Variants in MAST4 observed in about 807,000 individuals in gnomAD.
The protein encoded by MAST4 is microtubule associated serine/threonine kinase family member 4.
MAST4 carries 89 observed loss-of-function variants against 162.7 expected under a neutral mutation model. That is an observed-to-expected ratio of 0.55 (90% CI 0.46 to 0.65). The LOEUF (loss-of-function observed/expected upper bound fraction) is 0.65, where lower values mean the gene tolerates loss of function less well. Ranked by LOEUF, MAST4 falls within the 30% of genes least tolerant of loss-of-function variation. MAST4 has a pLI of 0.00. For synonymous variants in MAST4, 1,479 were observed against 1,361.1 expected (o/e 1.09, Z -1.91); for missense variants, 3,153 against 3,374.0 (o/e 0.93, Z 1.62).
intron 1 of MAST4, among the ~76,000 whole-genome samples, chr5:66,608,625 G>A (rs1743066005): frequency 6.6e-6 from 1 of 151,952 alleles, no homozygotes; most frequent in African/African-American, 2.4e-5. Flanking sequence ...CAGAGGACAT[G>A]GTCAGTTCTG....
intron 4 of MAST4, among the ~76,000 whole-genome samples, chr5:66,965,138 A>G (rs905877243): frequency 2.0e-5 from 3 of 150,426 alleles, no homozygotes; most frequent in African/African-American, 7.3e-5. Context: ...GACTTTCAAC[A>G]TGAGAGTTTT....
intron 4 of MAST4, among the ~76,000 whole-genome samples, chr5:66,947,699 T>C (rs1022814705): frequency 1.3e-5 from 2 of 152,188 alleles, no homozygotes; most frequent in Non-Finnish European, 2.9e-5. Context: ...GACAGATTTT[T>C]CCTAAAGCTT....
intron 4 of MAST4, chr5:66,917,325 T>C (rs78152019): frequency 0.029 from 9,061 of 316,946 alleles, 289 homozygotes; most frequent in African/African-American, 0.094. Context: ...CAAACTATTA[T>C]GTGAAAGTAT....
At chr5:67,091,809 C>A (rs535525043) in intron 6 of MAST4, among the ~76,000 whole-genome samples, 1 of 152,044 alleles carries the variant, frequency 6.6e-6, no homozygotes, top group Admixed American at 6.5e-5. Context: ...AATACATAAC[C>A]CCCCCAGGCA....
At chr5:66,829,474 A>G (rs1402363221) in intron 3 of MAST4, among the ~76,000 whole-genome samples, 2 of 152,164 alleles carry the variant, frequency 1.3e-5, no homozygotes, top group Non-Finnish European at 2.9e-5. Context: ...CTCTGACTTT[A>G]TTGTACAAAT....
chr5:66,644,117 GT>G (rs1745665854), intron 1 of MAST4, among the ~76,000 whole-genome samples: 2 of 151,146 alleles, frequency 1.3e-5, no homozygotes, highest in African/African-American at 4.9e-5. Context: ...TTGGAGAAAA[GT>G]CCAGTTTGAC....
intron 5 of MAST4, among the ~76,000 whole-genome samples, chr5:67,085,118 T>G (rs1328941877): frequency 6.6e-6 from 1 of 152,184 alleles, no homozygotes; most frequent in African/African-American, 2.4e-5. Flanking sequence ...TCTCTCACAC[T>G]GATGAACCAT....
At chr5:66,756,566 A>G (rs1753550220) in intron 1 of MAST4, among the ~76,000 whole-genome samples, 1 of 152,262 alleles carries the variant, frequency 6.6e-6, no homozygotes, top group African/African-American at 2.4e-5. Context: ...AATCATTTAA[A>G]GGACGAAGTC....
chr5:67,049,023 G>GTATATATATATACACATA (rs1554087410), intron 4 of MAST4, among the ~76,000 whole-genome samples: 2 of 85,664 alleles, frequency 2.3e-5, no homozygotes, highest in African/African-American at 9.5e-5. Flanking sequence ...ATATATATAC[G>GTATATATATATACACATA]TATATATATA....
chr5:66,695,991 G>A (rs1260570675), intron 1 of MAST4, among the ~76,000 whole-genome samples: 2 of 152,136 alleles, frequency 1.3e-5, no homozygotes, highest in African/African-American at 4.8e-5. Flanking sequence ...AGAAAATGTG[G>A]TACATGTACA....
At chr5:66,773,446 C>G (rs1202634035) in intron 2 of MAST4, among the ~76,000 whole-genome samples, 2 of 152,200 alleles carry the variant, frequency 1.3e-5, no homozygotes, top group Non-Finnish European at 2.9e-5. Flanking sequence ...CCCCTCCTTG[C>G]ATTTAACTCA....
chr5:66,749,597 C>T (rs774806241), intron 1 of MAST4, among the ~76,000 whole-genome samples: 1 of 152,232 alleles, frequency 6.6e-6, no homozygotes, highest in African/African-American at 2.4e-5. Context: ...AAGTGACTTA[C>T]TACAGGACAA....
At chr5:66,760,933 C>T (rs1753819978) in intron 2 of MAST4, among the ~76,000 whole-genome samples, 1 of 152,178 alleles carries the variant, frequency 6.6e-6, no homozygotes, top group Non-Finnish European at 1.5e-5. Context: ...ACTAGTACCT[C>T]ATGAATATGT....
At chr5:66,829,899 G>C (rs1024128334) in intron 3 of MAST4, among the ~76,000 whole-genome samples, 1 of 152,078 alleles carries the variant, frequency 6.6e-6, no homozygotes, top group Non-Finnish European at 1.5e-5. Flanking sequence ...ACAAAAGAGG[G>C]ATTAGAGAAG....
rs377469463 is a variant in MAST4 at position 66,680,575 on chromosome 5, C to T, written c.364-79134C>T. Among the ~76,000 whole-genome samples, 7 of 152,292 alleles carry T rather than the reference C, an allele frequency of 4.6e-5. No individual in the cohort carries two copies. In the East Asian group the frequency reaches 9.6e-4, roughly 21 times the overall value. On this transcript the variant is annotated intron_variant, in intron 1 of 28. Transcript: ENST00000403625. ...TTCCCCTCTAGCTTCTTTAAATCCC[C>T]TATTAATTCAGATGCTTTATTTACT... is the stretch of plus-strand genomic sequence containing the variant.
chr5:66,597,530 G>C (rs761396628), intron 1 of MAST4, among the ~76,000 whole-genome samples: 6 of 142,768 alleles, frequency 4.2e-5, no homozygotes, highest in East Asian at 2.2e-4. Flanking sequence ...GGGATCGCCC[G>C]CGGGTGGTTT....
intron 2 of MAST4, among the ~76,000 whole-genome samples, chr5:66,767,027 G>A (rs922764192): frequency 1.3e-5 from 2 of 152,080 alleles, no homozygotes; most frequent in Non-Finnish European, 2.9e-5. Flanking sequence ...TTGAGGTACC[G>A]TTTCCAGTTG....
At chr5:66,948,242 C>T (rs751034356) in intron 4 of MAST4, among the ~76,000 whole-genome samples, 2 of 152,082 alleles carry the variant, frequency 1.3e-5, no homozygotes, top group Non-Finnish European at 2.9e-5. Flanking sequence ...AGCCAAAGAC[C>T]GAGTTCCAAA....
intron 3 of MAST4, chr5:66,828,742 T>TA: frequency 6.5e-7 from 1 of 1,529,412 alleles, no homozygotes; most frequent in Non-Finnish European, 8.9e-7. Flanking sequence ...GAGCGTGATG[T>TA]AAGTGTTTAG....
Sources: gnomAD v4.1 joint callset for allele counts (sites outside exome capture counted in the v4.1 genomes callset) on GRCh38, gnomAD v4.1.1 for gene constraint, MANE v1.5 for transcripts, NCBI Gene and HGNC (gene_info 2026-07-23, HGNC 2026-07-21) for gene names.